The following RAI14 variants were observed in gnomAD, a reference collection of about 807,000 sequenced individuals.
RAI14 encodes the protein ankycorbin.
A neutral mutation model predicts 115.4 loss-of-function variants in RAI14; 45 were observed. The observed-to-expected ratio is 0.39, with a 90% confidence interval of 0.31 to 0.50. The LOEUF is 0.50. Among genes scored for constraint, RAI14 ranks in the 20% least tolerant of loss-of-function variants. The pLI, the probability that RAI14 is intolerant of heterozygous loss-of-function variation, is 0.85. For synonymous variants in RAI14, 371 were observed against 415.4 expected (o/e 0.89, Z 1.30); for missense variants, 939 against 1,131.2 (o/e 0.83, Z 2.44).
intron 3 of RAI14, among the ~76,000 whole-genome samples, chr5:34,767,825 A>G (rs897931912): frequency 2.6e-5 from 4 of 151,778 alleles, no homozygotes; most frequent in African/African-American, 9.7e-5. Flanking sequence ...AATCTTTCCT[A>G]CTAAGAAAGG....
At chr5:34,666,405 C>T (rs536502725) in intron 1 of RAI14, among the ~76,000 whole-genome samples, 16 of 152,066 alleles carry the variant, frequency 1.1e-4, no homozygotes, top group African/African-American at 2.9e-4. Flanking sequence ...GGAAATATCC[C>T]CAACTGGCTC....
At chr5:34,752,727 GTGTGTGTGTGTGTGTGTGTGTGTATATA>G (rs1260291820) in intron 2 of RAI14, among the ~76,000 whole-genome samples, 4 of 86,724 alleles carry the variant, frequency 4.6e-5, no homozygotes, top group Non-Finnish European at 4.9e-5. Flanking sequence ...GTGTGTGTGT[GTGTGTGTGTGTGTGTGTGTGTGTATATA>G]TATATATATA....
intron 11 of RAI14, among the ~76,000 whole-genome samples, chr5:34,814,188 G>A (rs1755914887): frequency 6.6e-6 from 1 of 152,106 alleles, no homozygotes; most frequent in South Asian, 2.1e-4. Context: ...TGTAATGGCA[G>A]GTAAAAACAC....
chr5:34,715,256 A>G (rs1741853158), intron 2 of RAI14, among the ~76,000 whole-genome samples: 1 of 152,036 alleles, frequency 6.6e-6, no homozygotes, highest in Admixed American at 6.6e-5. Flanking sequence ...TTTTTATACC[A>G]AATGTGGGTG....
Position 34,830,880 on chromosome 5 carries a change from G to C in RAI14, c.*115G>C. 3.3e-6 allele frequency: 5 copies of C among 1,506,814 alleles called. No individual in the cohort carries two copies. In the African/African-American group the frequency reaches 4.2e-5, roughly 13 times the overall value. The allele number at this position is 1,506,814 out of a possible 1,614,324, so 93.3% of individuals were successfully genotyped here. On this transcript the variant is annotated 3_prime_UTR_variant, in exon 18 of 18. Coordinates refer to ENST00000265109, the MANE Select transcript of RAI14 (RefSeq NM_015577.3). ...GTGGTATGCACTGTGGCCTAGCGTA[G>C]CTTCTTCCCTTTCCAAAGGTTTCTG... is the stretch of plus-strand genomic sequence containing the variant.
chr5:34,827,642 A>G lies in RAI14; in HGVS notation c.2799+1163A>G, dbSNP rs532459287. Among the ~76,000 whole-genome samples the G allele has an allele frequency of 7.2e-5, 11 of 152,340 alleles. 1 individual carries two copies. Among genetic ancestry groups the G allele is most frequent in the African/African-American group, 4.8e-5 (2 of 41,580 alleles). On this transcript the variant is annotated intron_variant, in intron 16 of 17. Coordinates refer to ENST00000265109, the MANE Select transcript of RAI14 (RefSeq NM_015577.3). The surrounding 1 kb of genome is among the most constrained non-coding windows in gnomAD (Gnocchi z 4.2). Reference sequence around the variant, plus strand: ...GAGGAAACAGCTCTAGAAATGGTGGATACTTAGGAGAAGCTGCTCTTTACT... The same window carrying G: ...GAGGAAACAGCTCTAGAAATGGTGGGTACTTAGGAGAAGCTGCTCTTTACT...
intron 1 of RAI14, chr5:34,656,745 T>TTC (rs1264194186): frequency 6.6e-6 from 1 of 152,586 alleles, no homozygotes; most frequent in African/African-American, 2.4e-5. Flanking sequence ...AGGAGAAGGG[T>TTC]TCTTCCCGGG....
At position 34,723,112 on chromosome 5, in the gene RAI14, A is replaced by C. The variant is rs1006047884; in HGVS notation, c.37-34356A>C. Among the ~76,000 whole-genome samples the C allele has an allele frequency of 7.9e-5, 12 of 151,412 alleles. 1 individual carries two copies. In the East Asian group the frequency reaches 2.1e-3, roughly 27 times the overall value. On this transcript the variant is annotated intron_variant, in intron 2 of 17. Coordinates refer to ENST00000265109, the MANE Select transcript of RAI14 (RefSeq NM_015577.3). ...GAGACCCTGTCTCAAAAAAAAAAAAAAAAAAACCCACTTCATCTTATTTTA... is the reference window on the plus strand; with the variant it reads ...GAGACCCTGTCTCAAAAAAAAAAAACAAAAAACCCACTTCATCTTATTTTA...
chr5:34,780,967 A>G (rs1209704655), intron 3 of RAI14, among the ~76,000 whole-genome samples: 1 of 152,148 alleles, frequency 6.6e-6, no homozygotes, highest in African/African-American at 2.4e-5. Context: ...CTTGGAACCA[A>G]CCCAAATGTC....
intron 5 of RAI14, among the ~76,000 whole-genome samples, chr5:34,806,087 G>C (rs181749519): frequency 5.9e-5 from 9 of 152,318 alleles, no homozygotes; most frequent in Admixed American, 2.0e-4. Context: ...AATCAGAGGT[G>C]GAGGTTCATG....
At chr5:34,699,365 T>G (rs1320321989) in intron 2 of RAI14, among the ~76,000 whole-genome samples, 3 of 152,140 alleles carry the variant, frequency 2.0e-5, no homozygotes, top group Non-Finnish European at 2.9e-5. Flanking sequence ...CAGCCTCAGC[T>G]CCTTCTGGGG....
At chr5:34,718,958 C>A (rs1330670190) in intron 2 of RAI14, among the ~76,000 whole-genome samples, 1 of 152,222 alleles carries the variant, frequency 6.6e-6, no homozygotes, top group South Asian at 2.1e-4. Context: ...TAAGTTAATT[C>A]TTTCTGCCTC....
chr5:34,767,816 A>G (rs1486209337), intron 3 of RAI14, among the ~76,000 whole-genome samples: 2 of 151,900 alleles, frequency 1.3e-5, no homozygotes, highest in African/African-American at 2.4e-5. Context: ...CGAGAGCCCA[A>G]TCTTTCCTAC....
chr5:34,712,979 T>C (rs1741579911), intron 2 of RAI14, among the ~76,000 whole-genome samples: 1 of 152,134 alleles, frequency 6.6e-6, no homozygotes, highest in Admixed American at 6.5e-5. Flanking sequence ...ATTTAGTACC[T>C]ACTAGATGCA....
At chr5:34,800,643 G>A (rs1234848416) in intron 4 of RAI14, among the ~76,000 whole-genome samples, 2 of 152,172 alleles carry the variant, frequency 1.3e-5, no homozygotes, top group Non-Finnish European at 1.5e-5. Flanking sequence ...CTTTTCTGCT[G>A]CTCGTTAGAA....
intron 2 of RAI14, among the ~76,000 whole-genome samples, chr5:34,727,309 C>T (rs573212110): frequency 2.0e-5 from 3 of 152,162 alleles, no homozygotes; most frequent in Non-Finnish European, 2.9e-5. Context: ...AATTTCTAAG[C>T]GGCAAAGCAT....
At chr5:34,778,587 C>T (rs368572875) in intron 3 of RAI14, among the ~76,000 whole-genome samples, 11 of 151,980 alleles carry the variant, frequency 7.2e-5, no homozygotes, top group African/African-American at 1.9e-4. Context: ...TTATACTCTT[C>T]GCATCTCCAC....
rs1738615619 is a variant in RAI14 at position 34,691,646 on chromosome 5, T to A, written c.36+4691T>A. Among the ~76,000 whole-genome samples the A allele has an allele frequency of 2.6e-5, 4 of 152,224 alleles. No homozygotes were observed. The South Asian group carries it at 8.3e-4, about 32-fold the overall frequency. On this transcript the variant is annotated intron_variant, in intron 2 of 17. Coordinates refer to ENST00000265109, the MANE Select transcript of RAI14 (RefSeq NM_015577.3). Reference sequence around the variant, plus strand: ...GATGGGAAATGGGGTTGAAAGATCTTTGTAACACATCTTGAGAAATGCCAC... The same window carrying A: ...GATGGGAAATGGGGTTGAAAGATCTATGTAACACATCTTGAGAAATGCCAC...
intron 2 of RAI14, among the ~76,000 whole-genome samples, chr5:34,718,375 G>C (rs78559156): frequency 0.029 from 4,455 of 152,328 alleles, 109 homozygotes; most frequent in East Asian, 0.099. Context: ...CATACACAGA[G>C]TTCACAGATC....
Sources: gnomAD v4.1 joint callset for allele counts (sites outside exome capture counted in the v4.1 genomes callset) on GRCh38, gnomAD v4.1.1 for gene constraint, Gnocchi (gnomAD v3.1) non-coding constraint, MANE v1.5 for transcripts, NCBI Gene and HGNC (gene_info 2026-07-23, HGNC 2026-07-21) for gene names.